The following HAPLN4 variants were observed in gnomAD, a reference collection of about 807,000 sequenced individuals.
The protein encoded by HAPLN4 is hyaluronan and proteoglycan link protein 4.
In HAPLN4, 19 loss-of-function variants were observed where a neutral mutation model predicts 28.0. The ratio of observed to expected loss-of-function variants is 0.68; its 90% CI spans 0.47 to 1.00. The LOEUF is 1.00. HAPLN4 is among the 50% of genes least tolerant of loss of function. The pLI is 0.00. For missense variants in HAPLN4, 587 were observed against 602.6 expected, an observed-to-expected ratio of 0.97 and a Z score of 0.27; for synonymous variants, 274 against 273.0, an observed-to-expected ratio of 1.00 and a Z score of -0.03.
chr19:19,258,226 G>T lies in HAPLN4; in HGVS notation c.818-18C>A, dbSNP rs1393430089. 2.7e-6 allele frequency: 4 copies of T among 1,465,544 alleles called. No individual in the cohort carries two copies. The Admixed American group carries it at 7.2e-5, about 27-fold the overall frequency. 90.8% of individuals were successfully genotyped at this position (1,465,544 alleles called of 1,614,324 possible). ...CACGCGCCCTGCGGGGGTGAGGTGG[G>T]GGGTGGGTTATTAGTGCGGCTCCTG... is the stretch of plus-strand genomic sequence containing the variant. On this transcript the variant is annotated intron_variant, in intron 4 of 4. Transcript: ENST00000291481. The surrounding 1 kb of genome is among the most constrained non-coding windows in gnomAD (Gnocchi z 6.2).
At position 19,258,418 on chromosome 19, in the gene HAPLN4, A is replaced by C. The variant is rs1211085899; in HGVS notation, c.817+105T>G. 7.9e-7 allele frequency: 1 copy of C among 1,263,166 alleles called. No individual in the cohort carries two copies. The highest frequency in any genetic ancestry group is 1.5e-5 in the African/African-American group (1 of 68,438). 78.2% of individuals were successfully genotyped at this position (1,263,166 alleles called of 1,614,324 possible). On this transcript the variant is annotated intron_variant, in intron 4 of 4. Coordinates refer to ENST00000291481, the MANE Select transcript of HAPLN4 (RefSeq NM_023002.3). The surrounding 1 kb of genome is among the most constrained non-coding windows in gnomAD (Gnocchi z 6.2). The stretch of plus-strand genomic sequence containing the variant: ...TGTGCTGCGCCTAGGCACTCTTGGG[A>C]GAGGGGTCTCCTGTTTCTGATCGCT...
At chr19:19,261,671 C>G in intron 1 of HAPLN4, 108 bp from the exon 2 acceptor site, 2 of 671,568 alleles carry the variant, frequency 3.0e-6, no homozygotes, top group South Asian at 2.1e-5. Flanking sequence ...TCTCTCACGC[C>G]CATGTCCCCA....
rs2060966780 is a variant in HAPLN4, at chr19:19,256,725, G to C, written c.*1092C>G. On this transcript the variant is annotated 3_prime_UTR_variant, in exon 5 of 5. Transcript: ENST00000291481. ...CCCTGGCGACAGCTTCGGGGAGGGT[G>C]ATCTCCATGGCGGTGAGTCAGGGTA... The C allele has an allele frequency of 6.5e-6, 1 of 152,752 alleles. No individual in the cohort carries two copies. Among genetic ancestry groups the C allele is most frequent in the Non-Finnish European group, 1.5e-5 (1 of 68,116 alleles). 9.5% of individuals were successfully genotyped at this position (152,752 alleles called of 1,614,324 possible).
In HAPLN4 at chr19:19,255,205, T is replaced by A. The variant is rs2060961980; in HGVS notation, c.*2612A>T. The A allele has an allele frequency of 6.6e-6, 1 of 151,996 alleles. No individual in the cohort carries two copies. The highest frequency in any genetic ancestry group is 1.5e-5 in the Non-Finnish European group (1 of 68,056). 9.4% of individuals were successfully genotyped at this position (151,996 alleles called of 1,614,324 possible). A position where few individuals can be genotyped will look rare whatever the true frequency, so the allele number is the denominator to read the frequency against. On this transcript the variant is annotated 3_prime_UTR_variant, in exon 5 of 5. Transcript: ENST00000291481. Reference sequence around the variant, plus strand: ...GGGGGAAGAAAGAGGAGCAAGAGATTGGGGAGGTGGGGGAGGAATGAAGGA... The same window carrying A: ...GGGGGAAGAAAGAGGAGCAAGAGATAGGGGAGGTGGGGGAGGAATGAAGGA...
In HAPLN4 at chr19:19,257,776, G is replaced by A. The variant is rs751249549; in HGVS notation, c.*41C>T. 28 of 1,392,434 alleles carry A rather than the reference G, an allele frequency of 2.0e-5. No individual in the cohort carries two copies. The highest frequency in any genetic ancestry group is 2.8e-5 in the East Asian group (1 of 36,254). 86.3% of individuals were successfully genotyped at this position (1,392,434 alleles called of 1,614,324 possible). ...GGCTCCAGGGGACCACAGGGCTCTAGACCAGTGGTCAAGCGCCCTGGCTGT... is the reference window on the plus strand; with the variant it reads ...GGCTCCAGGGGACCACAGGGCTCTAAACCAGTGGTCAAGCGCCCTGGCTGT... On this transcript the variant is annotated 3_prime_UTR_variant, in exon 5 of 5. Coordinates refer to ENST00000291481, the MANE Select transcript of HAPLN4 (RefSeq NM_023002.3).
Position 19,258,643 on chromosome 19 carries a change from G to T in HAPLN4, c.697C>A (p.Leu233Met). The change falls in exon 4 of 5, where the codon CTG becomes ATG. Residue 233 changes from leucine to methionine, a missense_variant. Physicochemically the swap from Leu to Met is conservative, Grantham distance 15. Transcript: ENST00000291481. The surrounding 1 kb of genome is among the most constrained non-coding windows in gnomAD (Gnocchi z 6.2). ...VNRPREPCGG[L>M]GGTGSAGGGG... is the part of the protein sequence containing the mutation. ...CCCCCTGCACTCCCGGTCCCCCCCA[G>T]GCCGCCGCAGGGCTCCCGGGGCCGG... The T allele has an allele frequency of 6.2e-7, 1 of 1,611,586 alleles. No individual in the cohort carries two copies.
At position 19,258,358 on chromosome 19, in the gene HAPLN4, AGCCTAG is replaced by A. The variant is rs2060972935; in HGVS notation, c.818-156_818-151del. The A allele has an allele frequency of 1.7e-6, 2 of 1,157,226 alleles. No individual in the cohort carries two copies. Among genetic ancestry groups the A allele is most frequent in the Non-Finnish European group, 2.4e-6 (2 of 839,222 alleles). 71.7% of individuals were successfully genotyped at this position (1,157,226 alleles called of 1,614,324 possible). On this transcript the variant is annotated intron_variant, in intron 4 of 4. Transcript: ENST00000291481. The surrounding 1 kb of genome is among the most constrained non-coding windows in gnomAD (Gnocchi z 6.2). Reference sequence around the variant, plus strand: ...TTCCTCCTTTGCAGCCTGGGACCCCAGCCTAGGCCCAACCAGCGTTGGTACCAGGCG... The same window carrying A: ...TTCCTCCTTTGCAGCCTGGGACCCCAGCCCAACCAGCGTTGGTACCAGGCG...
In HAPLN4 at chr19:19,258,592, G is replaced by T. The variant is rs138680442; in HGVS notation, c.748C>A (p.Arg250Ser). The T allele has an allele frequency of 9.3e-6, 15 of 1,613,504 alleles. No homozygotes were observed. Among genetic ancestry groups the T allele is most frequent in the South Asian group, 2.2e-5 (2 of 91,092 alleles). ...GGGGDANGGL[R>S]NYGYRHNAEE... ...GCGTTATGGCGATACCCGTAGTTGC[G>T]CAGGCCCCCGTTGGCATCACCGCCG... Residue 250 changes from arginine (R) to serine (S), a missense_variant, in exon 4 of 5, where the codon CGC becomes AGC. Arg to Ser is a moderately radical substitution (Grantham distance 110). Transcript: ENST00000291481. This position sits in a 1 kb window ranked among gnomAD's most constrained non-coding sequence, Gnocchi z 6.2.
Position 19,256,086 on chromosome 19 carries a change from TG to T in HAPLN4, c.*1730del, listed in dbSNP as rs1359421991. On this transcript the variant is annotated 3_prime_UTR_variant, in exon 5 of 5. Transcript: ENST00000291481. ...TCCTGGATCTCTAAGGAGGGAAATG[TG>T]GGTGGGGGTCAGGGAAGGAGAGAGG... 1.3e-5 allele frequency: 2 copies of T among 152,036 alleles called. No homozygotes were observed. The highest frequency in any genetic ancestry group is 2.9e-5 in the Non-Finnish European group (2 of 68,032). 9.4% of individuals were successfully genotyped at this position (152,036 alleles called of 1,614,324 possible).
rs2060971766 is a variant in HAPLN4 at position 19,258,114 on chromosome 19, C to T, written c.912G>A (p.Gly304=). The T allele has an allele frequency of 1.9e-6, 3 of 1,551,242 alleles. No individual in the cohort carries two copies. The highest frequency in any genetic ancestry group is 1.7e-6 in the Non-Finnish European group (2 of 1,155,398). The part of the protein sequence containing the change: ...AARGAAVAKV[G]QLFAAWKLQL... ...GCAGCTTCCACGCGGCGAACAGCTG[C>T]CCCACCTTGGCCACGGCCGCGCCAC... The change falls in exon 5 of 5, where the codon GGG becomes GGA. Residue 304 remains glycine, a synonymous_variant. Transcript: ENST00000291481. The surrounding 1 kb of genome is among the most constrained non-coding windows in gnomAD (Gnocchi z 6.2).
At position 19,258,963 on chromosome 19, in the gene HAPLN4, C is replaced by T; in HGVS notation, c.485-108G>A. ...AACCGGGACCTTTCAGTCCATTCCT[C>T]CTCACTCTGGCCTCAGACCTGACCA... On this transcript the variant is annotated intron_variant, in intron 3 of 4. Coordinates refer to ENST00000291481, the MANE Select transcript of HAPLN4 (RefSeq NM_023002.3). The surrounding 1 kb of genome is among the most constrained non-coding windows in gnomAD (Gnocchi z 6.2). The T allele has an allele frequency of 1.1e-6, 1 of 903,986 alleles. No individual in the cohort carries two copies. The allele number at this position is 903,986 out of a possible 1,614,324, so 56.0% of individuals were successfully genotyped here.
rs1354350422 is a variant in HAPLN4 at position 19,261,556 on chromosome 19, G to C, written c.11C>G (p.Ala4Gly). The C allele has an allele frequency of 5.2e-6, 8 of 1,534,178 alleles. No individual in the cohort carries two copies. The highest frequency in any genetic ancestry group is 7.0e-6 in the Non-Finnish European group (8 of 1,143,208). Residue 4 changes from alanine (A) to glycine (G), a missense_variant, in exon 2 of 5, where the codon GCT becomes GGT. Physicochemically the swap from Ala to Gly is moderately conservative, Grantham distance 60 (BLOSUM62 0). Transcript: ENST00000291481. The part of the protein sequence containing the change: MVC[A>G]RAALGPGALW... Reference sequence around the variant, plus strand: ...CGCGCCGGGACCGAGGGCCGCCCGAGCGCACACCTGGGGGGCGGGCACGGG... The same window carrying C: ...CGCGCCGGGACCGAGGGCCGCCCGACCGCACACCTGGGGGGCGGGCACGGG...
rs1332867443 is a variant in HAPLN4, at chr19:19,262,071, A to AAG, written c.4-510_4-509dup. ...GCGCGACACAGAAAAAGGGGAAGGG[A>AAG]AGAGAGAGAGGCAGAGATGGAGAGG... On this transcript the variant is annotated intron_variant, in intron 1 of 4. Transcript: ENST00000291481. Among the ~76,000 whole-genome samples the AAG allele has an allele frequency of 2.6e-5, 4 of 151,926 alleles. No individual in the cohort carries two copies. The East Asian group carries it at 7.7e-4, about 29-fold the overall frequency.
rs187763121 is a variant in HAPLN4 at position 19,258,650 on chromosome 19, G to A, written c.690C>T (p.Cys230=). 9 of 1,611,062 alleles carry A rather than the reference G, an allele frequency of 5.6e-6. No homozygotes were observed. In the African/African-American group the frequency reaches 9.3e-5, roughly 17 times the overall value. Residue 230 remains cysteine (C), a synonymous_variant, in exon 4 of 5, where the codon TGC becomes TGT. Coordinates refer to ENST00000291481, the MANE Select transcript of HAPLN4 (RefSeq NM_023002.3). This position sits in a 1 kb window ranked among gnomAD's most constrained non-coding sequence, Gnocchi z 6.2. ...QYPVNRPREP[C]GGLGGTGSAG... ...CACTCCCGGTCCCCCCCAGGCCGCC[G>A]CAGGGCTCCCGGGGCCGGTTCACGG...
In HAPLN4 at chr19:19,257,673, G is replaced by T; in HGVS notation, c.*144C>A. Reference sequence around the variant, plus strand: ...TTCTGCCAGGACTAGCCAGTCTTCAGGGACCCCAGGGGCACAGTTAGTTTG... The same window carrying T: ...TTCTGCCAGGACTAGCCAGTCTTCATGGACCCCAGGGGCACAGTTAGTTTG... On this transcript the variant is annotated 3_prime_UTR_variant, in exon 5 of 5. Coordinates refer to ENST00000291481, the MANE Select transcript of HAPLN4 (RefSeq NM_023002.3). The T allele has an allele frequency of 9.8e-7, 1 of 1,022,102 alleles. No individual in the cohort carries two copies. The highest frequency in any genetic ancestry group is 1.3e-6 in the Non-Finnish European group (1 of 781,300). 63.3% of individuals were successfully genotyped at this position (1,022,102 alleles called of 1,614,324 possible).
In HAPLN4 at chr19:19,255,627, C is replaced by G. The variant is rs1229167033; in HGVS notation, c.*2190G>C. Reference sequence around the variant, plus strand: ...AAAGTGCATTTATACAGGAATTACCCACTGGCTGCCTCATTTTCTCATTCA... The same window carrying G: ...AAAGTGCATTTATACAGGAATTACCGACTGGCTGCCTCATTTTCTCATTCA... On this transcript the variant is annotated 3_prime_UTR_variant, in exon 5 of 5. Transcript: ENST00000291481. 6.6e-6 allele frequency: 1 copy of G among 152,196 alleles called. No individual in the cohort carries two copies. The highest frequency in any genetic ancestry group is 6.6e-5 in the Admixed American group (1 of 15,260). The allele number at this position is 152,196 out of a possible 1,614,324, so 9.4% of individuals were successfully genotyped here. A position where few individuals can be genotyped will look rare whatever the true frequency, so the allele number is the denominator to read the frequency against.
chr19:19,260,700 C>T, intron 3 of HAPLN4, 113 bp downstream of exon 3: 4 of 1,353,562 alleles, frequency 3.0e-6, no homozygotes, highest in South Asian at 1.3e-5. Context: ...GGGCTCTACC[C>T]CAACCAACCT....
rs766002722 is a variant in HAPLN4, at chr19:19,257,906, G to A, written c.1120C>T (p.Pro374Ser). ...YRAPGAPDPA[P>S]GGWGWGWAGG... ...GCCCAGCCCCAGCCCCAGCCGCCAG[G>A]TGCCGGGTCCGGTGCTCCTGGAGCG... Residue 374 changes from proline (P) to serine (S), a missense_variant, in exon 5 of 5, where the codon CCT (proline) becomes TCT (serine). Transcript: ENST00000291481. The A allele has an allele frequency of 4.0e-6, 6 of 1,499,072 alleles. No homozygotes were observed. The South Asian group carries it at 6.2e-5, about 16-fold the overall frequency. The allele number at this position is 1,499,072 out of a possible 1,614,324, so 92.9% of individuals were successfully genotyped here. A position where few individuals can be genotyped will look rare whatever the true frequency, so the allele number is the denominator to read the frequency against.
In HAPLN4 at chr19:19,258,264, G is replaced by T. The variant is rs974812782; in HGVS notation, c.818-56C>A. The T allele has an allele frequency of 2.4e-5, 35 of 1,428,650 alleles. No homozygotes were observed. The South Asian group carries it at 4.4e-4, about 18-fold the overall frequency. 88.5% of individuals were successfully genotyped at this position (1,428,650 alleles called of 1,614,324 possible). On this transcript the variant is annotated intron_variant, in intron 4 of 4. Coordinates refer to ENST00000291481, the MANE Select transcript of HAPLN4 (RefSeq NM_023002.3). This position sits in a 1 kb window ranked among gnomAD's most constrained non-coding sequence, Gnocchi z 6.2. ...AGTGCGGCTCCTGGGACCCTGCTTC[G>T]GTGGGATTCAGGACTGCCCCCCGCA...
Sources: gnomAD v4.1 joint callset for allele counts (sites outside exome capture counted in the v4.1 genomes callset) on GRCh38, gnomAD v4.1.1 for gene constraint, Gnocchi (gnomAD v3.1) non-coding constraint, MANE v1.5 for transcripts, NCBI Gene and HGNC (gene_info 2026-07-23, HGNC 2026-07-21) for gene names.